The following SMC2 variants were observed in gnomAD, a reference collection of about 807,000 sequenced individuals.
SMC2 encodes the protein structural maintenance of chromosomes protein 2.
SMC2 carries 41 observed loss-of-function variants against 142.6 expected under a neutral mutation model. That is an observed-to-expected ratio of 0.29 (90% confidence interval 0.22 to 0.37). The LOEUF (loss-of-function observed/expected upper bound fraction) is 0.37, where lower values mean the gene tolerates loss of function less well. SMC2 is among the 10% of genes least tolerant of loss of function. The probability of loss-of-function intolerance (pLI) is 1.00; values close to 1 mark genes in which losing one functional copy is unlikely to be tolerated. For synonymous variants in SMC2, 463 were observed against 457.5 expected (o/e 1.01, Z -0.15); for missense variants, 1,265 against 1,373.7 (o/e 0.92, Z 1.25).
intron 23 of SMC2, among the ~76,000 whole-genome samples, chr9:104,135,380 CAT>C (rs921899684): frequency 6.6e-6 from 1 of 152,056 alleles, no homozygotes; most frequent in Non-Finnish European, 1.5e-5. Flanking sequence ...AATTTGAAGA[CAT>C]AGCAATAGAA....
chr9:104,116,972 A>G (rs1833186298), intron 14 of SMC2, among the ~76,000 whole-genome samples: 1 of 152,240 alleles, frequency 6.6e-6, no homozygotes, highest in Non-Finnish European at 1.5e-5. Context: ...AGACATTCCA[A>G]GTACATCAGT....
intron 9 of SMC2, among the ~76,000 whole-genome samples, chr9:104,103,126 A>G (rs894962466): frequency 3.9e-5 from 6 of 152,142 alleles, no homozygotes; most frequent in Non-Finnish European, 5.9e-5. Context: ...GTAAGTTCAT[A>G]TAAGAAGGTT....
In SMC2 at chr9:104,113,392, A is replaced by G. The variant is rs759790525; in HGVS notation, c.1331A>G (p.Tyr444Cys). 6.2e-7 allele frequency: 1 copy of G among 1,612,298 alleles called. No individual in the cohort carries two copies. The highest frequency in any genetic ancestry group is 8.5e-7 in the Non-Finnish European group (1 of 1,178,880). ...GAAGTTAAGAAGATGGATAGTGGCT[A>G]CAGGAAGGATCAAGAAGCTCTAGAA... ...QAEVKKMDSGYRKDQEALEAV... is the reference protein window; with the variant it reads ...QAEVKKMDSGCRKDQEALEAV... Residue 444 changes from tyrosine (Y) to cysteine (C), a missense_variant, in exon 11 of 25, where the codon TAC becomes TGC. Physicochemically the swap from Tyr to Cys is radical, Grantham distance 194 (BLOSUM62 -2). Coordinates refer to ENST00000374793, the MANE Select transcript of SMC2 (RefSeq NM_006444.3).
At chr9:104,101,871 T>C (rs1229693026) in intron 7 of SMC2, 89 bp from the exon 8 acceptor site, 3 of 755,840 alleles carry the variant, frequency 4.0e-6, no homozygotes. Flanking sequence ...AAATCTATTA[T>C]GTAATGAGAA....
At chr9:104,123,357 AAGT>A in intron 17 of SMC2, 125 bp downstream of exon 17, 2 of 888,148 alleles carry the variant, frequency 2.3e-6, no homozygotes, top group Non-Finnish European at 1.6e-6. Context: ...GGGAAAATCC[AAGT>A]ATGGGATTTC....
intron 9 of SMC2, among the ~76,000 whole-genome samples, chr9:104,109,322 TC>T (rs1256666294): frequency 3.9e-5 from 6 of 152,172 alleles, no homozygotes; most frequent in African/African-American, 9.7e-5. Flanking sequence ...TCCTCTGGAT[TC>T]TCACCATTCT....
chr9:104,136,636 A>G (rs77978099), intron 23 of SMC2, among the ~76,000 whole-genome samples: 2,095 of 152,090 alleles, frequency 0.014, 49 homozygotes, highest in African/African-American at 0.048. Context: ...TACTTGAGGC[A>G]CTCATCACAG....
chr9:104,122,960 G>A (rs1833892571), intron 16 of SMC2, 148 bp from the exon 17 acceptor site: 3 of 726,352 alleles, frequency 4.1e-6, no homozygotes, highest in Middle Eastern at 3.9e-4. Context: ...AAACTTGAAA[G>A]CCGTCAAAAT....
At chr9:104,105,202 C>A (rs2131341339) in intron 9 of SMC2, among the ~76,000 whole-genome samples, 1 of 152,318 alleles carries the variant, frequency 6.6e-6, no homozygotes, top group Middle Eastern at 3.4e-3. Context: ...GTCAGTAAAA[C>A]CTCTTGGTAC....
chr9:104,102,332 A>G (rs1369809172), intron 8 of SMC2, 92 bp from the exon 9 acceptor site: 4 of 1,256,958 alleles, frequency 3.2e-6, no homozygotes, highest in Non-Finnish European at 4.4e-6. Context: ...GAAATAACTT[A>G]TAAAAAAGTG....
Position 104,102,064 on chromosome 9 carries a change from A to G in SMC2, c.741A>G (p.Val247=). The G allele has an allele frequency of 6.2e-7, 1 of 1,611,408 alleles. No homozygotes were observed. The highest frequency in any genetic ancestry group is 8.5e-7 in the Non-Finnish European group (1 of 1,177,762). ...YQFLLAEDTK[V]RSAEELKEMQ... ...TTTTGCTGGCTGAAGATACCAAAGT[A>G]CGCTCAGCTGAGGAATTAAAAGAAA... The change falls in exon 8 of 25, where the codon GTA becomes GTG. Residue 247 remains valine (V), a synonymous_variant. Coordinates refer to ENST00000374793, the MANE Select transcript of SMC2 (RefSeq NM_006444.3).
chr9:104,096,027 A>AC, intron 2 of SMC2, 121 bp from the exon 3 acceptor site: 1 of 820,888 alleles, frequency 1.2e-6, no homozygotes, highest in South Asian at 1.9e-5. Flanking sequence ...CAGCTGCCTA[A>AC]CCTTGTCTAC....
chr9:104,124,001 G>A (rs190914706), intron 17 of SMC2, among the ~76,000 whole-genome samples: 2 of 152,212 alleles, frequency 1.3e-5, no homozygotes, highest in East Asian at 3.9e-4. Flanking sequence ...GAAATTGTGC[G>A]GTAATGACTT....
Position 104,114,765 on chromosome 9 carries a change from C to G in SMC2, c.1607C>G (p.Ser536Cys). ...TCTCTGATTAGTGTGAAAGACACTT[C>G]TGCAACCACAGCTTTAGAATTAGTG... ...VASLISVKDT[S>C]ATTALELVAG... is the part of the protein sequence containing the mutation. The change falls in exon 13 of 25, where the codon TCT (serine) becomes TGT (cysteine). Residue 536 changes from serine (S) to cysteine (C), a missense_variant. Ser to Cys is a moderately radical substitution (Grantham distance 112). Around this residue, in one of 4 missense-constraint regions of SMC2, gnomAD observed 898 missense variants for 904.2 expected, o/e 0.99. Transcript: ENST00000374793. The G allele has an allele frequency of 1.2e-6, 2 of 1,612,860 alleles. No individual in the cohort carries two copies. Among genetic ancestry groups the G allele is most frequent in the Non-Finnish European group, 1.7e-6 (2 of 1,179,052 alleles).
chr9:104,101,053 T>G (rs1214723819), intron 7 of SMC2, among the ~76,000 whole-genome samples: 2 of 152,166 alleles, frequency 1.3e-5, no homozygotes, highest in Non-Finnish European at 2.9e-5. Context: ...TCCTCCCACC[T>G]TAGCCTTCTG....
chr9:104,129,313 A>G (rs1472297837), intron 20 of SMC2, among the ~76,000 whole-genome samples: 1 of 151,878 alleles, frequency 6.6e-6, no homozygotes, highest in Non-Finnish European at 1.5e-5. Flanking sequence ...GATCAGCCTG[A>G]CCAACATGGA....
intron 1 of SMC2, 83 bp from the exon 2 acceptor site, chr9:104,095,241 C>T: frequency 1.6e-6 from 1 of 632,598 alleles, no homozygotes; most frequent in Admixed American, 3.0e-5. Flanking sequence ...TTCTATCACC[C>T]TATCGTTGCT....
chr9:104,104,959 G>A (rs1173096408), intron 9 of SMC2, among the ~76,000 whole-genome samples: 1 of 152,156 alleles, frequency 6.6e-6, no homozygotes, highest in African/African-American at 2.4e-5. Flanking sequence ...TTGTTAAAGA[G>A]GTCAAAGAAG....
intron 3 of SMC2, among the ~76,000 whole-genome samples, chr9:104,097,733 C>T (rs924517265): frequency 6.6e-6 from 1 of 152,090 alleles, no homozygotes; most frequent in East Asian, 1.9e-4. Flanking sequence ...ATATGAACTA[C>T]CAACCTAGTA....
Sources: allele counts gnomAD v4.1 joint callset (sites outside exome capture counted in the v4.1 genomes callset), GRCh38; gene constraint gnomAD v4.1.1; regional missense constraint gnomAD v4.1.1; transcripts MANE v1.5; gene names NCBI Gene and HGNC (gene_info 2026-07-23, HGNC 2026-07-21).